The following ABCC8 variants were observed in gnomAD, a reference collection of about 807,000 sequenced individuals.
ABCC8 encodes ATP-binding cassette sub-family C member 8.
ABCC8 carries 137 observed loss-of-function variants against 188.0 expected under a neutral mutation model. The observed-to-expected ratio is 0.73, with a 90% confidence interval of 0.63 to 0.84. ABCC8 has a LOEUF of 0.84. Among genes scored for constraint, ABCC8 ranks in the 40% least tolerant of loss-of-function variants. The probability of loss-of-function intolerance (pLI) is 0.00; values close to 1 mark genes in which losing one functional copy is unlikely to be tolerated. For synonymous variants in ABCC8, 797 were observed against 846.5 expected (o/e 0.94, Z 1.01); for missense variants, 1,750 against 2,072.7 (o/e 0.84, Z 3.02).
intron 12 of ABCC8, 42 bp downstream of exon 12, chr11:17,430,772 G>A (rs1394810063): frequency 6.3e-7 from 1 of 1,599,740 alleles, no homozygotes; most frequent in Non-Finnish European, 8.6e-7. Flanking sequence ...GGCTGACACA[G>A]GACCTGCCTG....
chr11:17,398,454 T>A lies in ABCC8; in HGVS notation c.3651-13A>T. On this transcript the variant is annotated splice_polypyrimidine_tract_variant and intron_variant, in intron 29 of 38. Coordinates refer to ENST00000389817, the MANE Select transcript of ABCC8 (RefSeq NM_000352.6). ...CCGGGCCTCATACCTGGAGGGAGGA[T>A]GAGAAGCTCCTAAGGGAACAGTGTT... is the stretch of plus-strand genomic sequence containing the variant. 6.2e-7 allele frequency: 1 copy of A among 1,613,868 alleles called. No homozygotes were observed. Among genetic ancestry groups the A allele is most frequent in the Non-Finnish European group, 8.5e-7 (1 of 1,179,888 alleles).
chr11:17,440,470 CCT>C (rs1037737687), intron 10 of ABCC8, among the ~76,000 whole-genome samples: 1 of 152,146 alleles, frequency 6.6e-6, no homozygotes, highest in Non-Finnish European at 1.5e-5. Context: ...CCAAATTTCC[CCT>C]GTCTATGGAG....
chr11:17,402,804 G>C, intron 28 of ABCC8, 51 bp from the exon 29 acceptor site: 2 of 1,603,792 alleles, frequency 1.2e-6, no homozygotes, highest in Non-Finnish European at 1.7e-6. Context: ...TCAGGGCTCG[G>C]CCTGGGCCTG....
At chr11:17,422,130 A>G (rs1473255600) in intron 16 of ABCC8, among the ~76,000 whole-genome samples, 1 of 152,194 alleles carries the variant, frequency 6.6e-6, no homozygotes, top group Non-Finnish European at 1.5e-5. Flanking sequence ...TCCTGCCAGT[A>G]ATGGAGGGGG....
At chr11:17,397,524 G>C in intron 31 of ABCC8, 160 bp downstream of exon 31, 1 of 1,408,246 alleles carries the variant, frequency 7.1e-7, no homozygotes, top group Non-Finnish European at 9.7e-7. Context: ...CCTGGGCCCT[G>C]GGGCCTGCTG....
chr11:17,428,696 C>T (rs1277620407), intron 12 of ABCC8, 26 bp from the exon 13 acceptor site: 3 of 1,609,338 alleles, frequency 1.9e-6, no homozygotes, highest in East Asian at 4.5e-5. Context: ...AGAGACACCC[C>T]TCACCCCTGC....
At chr11:17,400,557 A>G (rs1244077843) in intron 29 of ABCC8, among the ~76,000 whole-genome samples, 3 of 152,158 alleles carry the variant, frequency 2.0e-5, no homozygotes, top group African/African-American at 7.2e-5. Context: ...TTTCTTATGA[A>G]AAAAATGGGG....
chr11:17,395,957 A>T lies in ABCC8; in HGVS notation c.4120-27T>A. 1.9e-6 allele frequency: 3 copies of T among 1,557,366 alleles called. No homozygotes were observed. In the South Asian group the frequency reaches 3.5e-5, roughly 18 times the overall value. The stretch of plus-strand genomic sequence containing the variant: ...TGGAAAGAGAGAAGCAGGCACCGCC[A>T]CTGGGACTCTGGGGCTGCTGGGAAT... On this transcript the variant is annotated intron_variant, in intron 33 of 38. Transcript: ENST00000389817.
chr11:17,472,080 T>A (rs1848512217), intron 2 of ABCC8, among the ~76,000 whole-genome samples: 1 of 152,196 alleles, frequency 6.6e-6, no homozygotes, highest in Non-Finnish European at 1.5e-5. Flanking sequence ...CATCTAGACA[T>A]GTTTTATTAT....
chr11:17,400,073 G>C (rs56003324), intron 29 of ABCC8, among the ~76,000 whole-genome samples: 9,875 of 152,264 alleles, frequency 0.065, 507 homozygotes, highest in Admixed American at 0.16. Flanking sequence ...AAACTCAGGG[G>C]ACACGGAGGC....
chr11:17,393,321 TCTCTC>T (rs1953726433), intron 38 of ABCC8, 193 bp from the exon 39 acceptor site: 3 of 773,116 alleles, frequency 3.9e-6, no homozygotes, highest in Non-Finnish European at 6.2e-6. Context: ...ATACCACCCT[TCTCTC>T]CTCTCCAAGT....
intron 16 of ABCC8, among the ~76,000 whole-genome samples, chr11:17,417,318 A>C (rs1276983294): frequency 2.6e-5 from 4 of 152,196 alleles, no homozygotes; most frequent in African/African-American, 4.8e-5. Flanking sequence ...CAAACTGTGG[A>C]TAGGGACCCA....
At chr11:17,403,834 C>T (rs1191311340) in intron 28 of ABCC8, among the ~76,000 whole-genome samples, 1 of 152,176 alleles carries the variant, frequency 6.6e-6, no homozygotes, top group Non-Finnish European at 1.5e-5. Context: ...ATATTGATTT[C>T]ATGACCCACT....
intron 30 of ABCC8, 135 bp from the exon 31 acceptor site, chr11:17,397,932 C>G: frequency 6.7e-7 from 1 of 1,501,350 alleles, no homozygotes; most frequent in Non-Finnish European, 8.9e-7. Context: ...GCACACGTCA[C>G]CAGACACACA....
In ABCC8 at chr11:17,398,343, C is replaced by T. The variant is rs975856232; in HGVS notation, c.3749G>A (p.Arg1250Gln). 6.2e-6 allele frequency: 10 copies of T among 1,614,000 alleles called. No homozygotes were observed. Among genetic ancestry groups the T allele is most frequent in the African/African-American group, 1.3e-5 (1 of 74,914 alleles). ...GTAGAGGGGAATAGCACTTGCCATT[C>T]GGACTTCCAGCCATCTGTTGGCAGC... Reference protein sequence around the residue: ...LTAANRWLEVRMEYIGACVVL... With the variant: ...LTAANRWLEVQMEYIGACVVL... The change falls in exon 30 of 39, where the codon CGA becomes CAA. Residue 1250 changes from arginine (R) to glutamine (Q), a missense_variant. By Grantham distance (43) the Arg-to-Gln change is conservative (BLOSUM62 1). Transcript: ENST00000389817.
chr11:17,412,926 C>G, intron 20 of ABCC8, 180 bp from the exon 21 acceptor site: 1 of 1,342,314 alleles, frequency 7.4e-7, no homozygotes, highest in Non-Finnish European at 1.0e-6. Flanking sequence ...CAGAAGAGGG[C>G]AGCATGAGCC....
At position 17,395,620 on chromosome 11, in the gene ABCC8, C is replaced by T. The variant is rs781090024; in HGVS notation, c.4297G>A (p.Gly1433Ser). 6.4e-6 allele frequency: 10 copies of T among 1,552,814 alleles called. No individual in the cohort carries two copies. Among genetic ancestry groups the T allele is most frequent in the East Asian group, 4.8e-5 (2 of 41,362 alleles). The change falls in exon 35 of 39, where the codon GGC (glycine) becomes AGC (serine). Residue 1433 changes from glycine to serine, a missense_variant. Transcript: ENST00000389817. ...GGTGGTGGGGCTCACCGGATGGTGC[C>T]GCTGAAGAGGACGGGGTCCTGCAGG... ...IILQDPVLFSGTIRFNLDPER... is the reference protein window; with the variant it reads ...IILQDPVLFSSTIRFNLDPER...
At chr11:17,429,679 C>T (rs1213972028) in intron 12 of ABCC8, 1 of 152,192 alleles carries the variant, frequency 6.6e-6, no homozygotes, top group Admixed American at 6.5e-5. Context: ...GCAGGTGCAG[C>T]GTTCTTAAAT....
In ABCC8 at chr11:17,427,383, C is replaced by CTTT. The variant is rs1198275043; in HGVS notation, c.2117-230_2117-229insAAA. On this transcript the variant is annotated intron_variant, in intron 15 of 38. Coordinates refer to ENST00000389817, the MANE Select transcript of ABCC8 (RefSeq NM_000352.6). This position sits in a 1 kb window ranked among gnomAD's most constrained non-coding sequence, Gnocchi z 5.0. Reference sequence around the variant, plus strand: ...CCTCTCTGATTTCCTGCCCCGCCACCCTTCCTAAGCACTCGCTTCTCCTTT... The same window carrying CTTT: ...CCTCTCTGATTTCCTGCCCCGCCACCTTTCTTCCTAAGCACTCGCTTCTCCTTT... 1.3e-5 allele frequency among the ~76,000 whole-genome samples: 2 copies of CTTT among 152,278 alleles called. No homozygotes were observed. The highest frequency in any genetic ancestry group is 3.9e-4 in the East Asian group (2 of 5,182).
Sources: allele counts gnomAD v4.1 joint callset (sites outside exome capture counted in the v4.1 genomes callset), GRCh38; gene constraint gnomAD v4.1.1; non-coding constraint Gnocchi (gnomAD v3.1); transcripts MANE v1.5; gene names NCBI Gene and HGNC (gene_info 2026-07-23, HGNC 2026-07-21).